Variants in MMP28 observed in about 807,000 individuals in gnomAD.
MMP28 encodes matrix metalloproteinase-28.
Under a neutral mutation model 60.5 loss-of-function variants are expected in MMP28, and 55 were observed. That is an observed-to-expected ratio of 0.91 (90% confidence interval 0.73 to 1.14). MMP28 has a LOEUF of 1.14. MMP28 is among the 50% of genes most tolerant of loss of function. MMP28 has a pLI of 0.00. For synonymous variants in MMP28, 318 were observed against 312.5 expected (o/e 1.02, Z -0.18); for missense variants, 686 against 738.3 (o/e 0.93, Z 0.82).
In MMP28 at chr17:35,770,155, C is replaced by T. The variant is rs1555604921; in HGVS notation, c.762G>A (p.Pro254=). Residue 254 remains proline (P), a synonymous_variant, in exon 5 of 8, where the codon CCG becomes CCA. Coordinates refer to ENST00000605424, the MANE Select transcript of MMP28 (RefSeq NM_024302.5). The part of the protein sequence containing the change: ...HTLGLTHSPA[P]RALMAPYYKR... ...TGTAGTAGGGCGCCATGAGCGCGCG[C>T]GGCGCGGGCGAGTGGGTGAGGCCAA... 6.2e-7 allele frequency: 1 copy of T among 1,606,898 alleles called. No homozygotes were observed. Among genetic ancestry groups the T allele is most frequent in the Admixed American group, 1.7e-5 (1 of 59,514 alleles).
rs902196003 is a variant in MMP28, at chr17:35,766,317, G to C, written c.*183C>G. The C allele has an allele frequency of 1.0e-4, 143 of 1,393,246 alleles. No individual in the cohort carries two copies. The highest frequency in any genetic ancestry group is 1.3e-4 in the Non-Finnish European group (137 of 1,075,466). The allele number at this position is 1,393,246 out of a possible 1,614,324, so 86.3% of individuals were successfully genotyped here. On this transcript the variant is annotated 3_prime_UTR_variant, in exon 8 of 8. Transcript: ENST00000605424. This position sits in a 1 kb window ranked among gnomAD's most constrained non-coding sequence, Gnocchi z 4.3. ...TCCCACCCCCACCTCCATGTGGTGG[G>C]GACAGACAAAGACAATGCTGCATTC...
In MMP28 at chr17:35,770,024, G is replaced by A. The variant is rs781730446; in HGVS notation, c.850+43C>T. 6.7e-5 allele frequency: 100 copies of A among 1,502,496 alleles called. No individual in the cohort carries two copies. The African/African-American group carries it at 1.2e-3, about 18-fold the overall frequency. The allele number at this position is 1,502,496 out of a possible 1,614,324, so 93.1% of individuals were successfully genotyped here. A position where few individuals can be genotyped will look rare whatever the true frequency, so the allele number is the denominator to read the frequency against. ...GCGTTCAAGGACAGGAGGCCTTGGG[G>A]GCAGGAGTGGGACCAAGAGCGGGGC... On this transcript the variant is annotated intron_variant, in intron 5 of 7. Transcript: ENST00000605424.
At chr17:35,756,337 C>G (rs1465267395) in exon 3 of MMP28, 1 of 949,956 alleles carries the variant, frequency 1.1e-6, no homozygotes, top group Admixed American at 6.2e-5. Flanking sequence ...TCTCCAGGCA[C>G]TCGGTTCCTT....
downstream of MMP28, chr17:35,760,870 T>A: frequency 6.3e-7 from 1 of 1,590,088 alleles, no homozygotes; most frequent in East Asian, 2.2e-5. Context: ...TGAGACAAAG[T>A]TCTATGGGTT....
chr17:35,774,094 G>A (rs1006825541), intron 3 of MMP28, among the ~76,000 whole-genome samples: 16 of 152,316 alleles, frequency 1.1e-4, no homozygotes, highest in Middle Eastern at 3.4e-3. Context: ...CACTGACTGA[G>A]AGAAAGTTTT....
At chr17:35,761,958 T>A (rs1391785108), downstream of MMP28, among the ~76,000 whole-genome samples, 5 of 152,194 alleles carry the variant, frequency 3.3e-5, no homozygotes, top group African/African-American at 9.6e-5. Context: ...TAGGATGGAC[T>A]GGGATCAAAA....
chr17:35,779,105 G>A, intron 2 of MMP28, 30 bp from the exon 3 acceptor site: 1 of 1,607,146 alleles, frequency 6.2e-7, no homozygotes, highest in Non-Finnish European at 8.5e-7. Context: ...GCAAGGGGAG[G>A]GTGAGTGGTA....
rs573037463 is a variant in MMP28, at chr17:35,770,132, T to C, written c.785A>G (p.Tyr262Cys). ...PAPRALMAPY[Y>C]KRLGRDALLS... ...CAGCGCGTCGCGGCCCAGCCTCTTG[T>C]AGTAGGGCGCCATGAGCGCGCGCGG... Residue 262 changes from tyrosine (Y) to cysteine (C), a missense_variant, in exon 5 of 8, where the codon TAC becomes TGC. By Grantham distance (194) the Tyr-to-Cys change is radical (BLOSUM62 -2). Transcript: ENST00000605424. The C allele has an allele frequency of 6.2e-7, 1 of 1,607,232 alleles. No individual in the cohort carries two copies. The highest frequency in any genetic ancestry group is 1.1e-5 in the South Asian group (1 of 90,222).
chr17:35,778,397 G>A (rs1416521305), intron 3 of MMP28: 31 of 168,610 alleles, frequency 1.8e-4, no homozygotes, highest in Non-Finnish European at 4.0e-4. Context: ...GCACAATTCC[G>A]CAAATATCCT....
At position 35,789,951 on chromosome 17, in the gene MMP28, G is replaced by A. The variant is rs181384481; in HGVS notation, c.111+5316C>T. On this transcript the variant is annotated intron_variant, in intron 1 of 7. Coordinates refer to ENST00000605424, the MANE Select transcript of MMP28 (RefSeq NM_024302.5). ...TAATTTTTGTATTTTTAGTAGAGAC[G>A]GGGTTTCACAATGTTGGCCAGGCTA... 1.8e-3 allele frequency among the ~76,000 whole-genome samples: 269 copies of A among 151,498 alleles called. 2 individuals are homozygous for A. The highest frequency in any genetic ancestry group is 4.7e-3 in the East Asian group (24 of 5,156).
chr17:35,769,093 C>G (rs2143211398), intron 5 of MMP28, among the ~76,000 whole-genome samples: 1 of 152,288 alleles, frequency 6.6e-6, no homozygotes, highest in Admixed American at 6.5e-5. Context: ...GAAGCAGAGT[C>G]CAACAAGCTT....
In MMP28 at chr17:35,788,787, C is replaced by A. The variant is rs989171947; in HGVS notation, c.111+6480G>T. On this transcript the variant is annotated intron_variant, in intron 1 of 7. Coordinates refer to ENST00000605424, the MANE Select transcript of MMP28 (RefSeq NM_024302.5). ...CCAGTGGAAGGCAGGTCCTGAAACT[C>A]CTGCCTGGCTGTTCTAAAGAAGGTC... 7.9e-5 allele frequency among the ~76,000 whole-genome samples: 12 copies of A among 152,078 alleles called. No homozygotes were observed. In the South Asian group the frequency reaches 1.2e-3, roughly 16 times the overall value.
chr17:35,769,177 T>A (rs946313245), intron 5 of MMP28, among the ~76,000 whole-genome samples: 12 of 152,178 alleles, frequency 7.9e-5, no homozygotes, highest in African/African-American at 2.9e-4. Context: ...TTACCTAACC[T>A]CTCTGAGCCC....
chr17:35,759,559 G>C (rs2085779877), intron 2 of MMP28, among the ~76,000 whole-genome samples: 1 of 152,108 alleles, frequency 6.6e-6, no homozygotes, highest in South Asian at 2.1e-4. Flanking sequence ...AAATTAGCCA[G>C]GTGTGGTGAC....
Position 35,773,330 on chromosome 17 carries a change from G to A in MMP28, c.454C>T (p.Arg152Trp), listed in dbSNP as rs755638138. Residue 152 changes from arginine to tryptophan, a missense_variant, in exon 4 of 8, where the codon CGG becomes TGG. Arg to Trp is a moderately radical substitution (Grantham distance 101). Transcript: ENST00000605424. ...WPEHLPEPAV[R>W]GAVRAAFQLW... ...TGGAAGGCGGCGCGCACGGCGCCCC[G>A]AACTGCCGGCTCCGGCAGATGCTCA... 23 of 1,612,702 alleles carry A rather than the reference G, an allele frequency of 1.4e-5. No individual in the cohort carries two copies. Among genetic ancestry groups the A allele is most frequent in the Middle Eastern group, 1.6e-4 (1 of 6,080 alleles).
Position 35,770,125 on chromosome 17 carries a change from C to T in MMP28, c.792G>A (p.Arg264=), listed in dbSNP as rs2086076796. The change falls in exon 5 of 8, where the codon AGG becomes AGA. Residue 264 remains arginine (R), a synonymous_variant. Coordinates refer to ENST00000605424, the MANE Select transcript of MMP28 (RefSeq NM_024302.5). Reference sequence around the variant, plus strand: ...AGCTGAGCAGCGCGTCGCGGCCCAGCCTCTTGTAGTAGGGCGCCATGAGCG... The same window carrying T: ...AGCTGAGCAGCGCGTCGCGGCCCAGTCTCTTGTAGTAGGGCGCCATGAGCG... ...PRALMAPYYK[R]LGRDALLSWD... is the part of the protein sequence containing the mutation. 1.2e-6 allele frequency: 2 copies of T among 1,606,886 alleles called. No homozygotes were observed. The highest frequency in any genetic ancestry group is 2.7e-5 in the African/African-American group (2 of 74,752).
At chr17:35,791,925 C>T (rs1331923197) in intron 1 of MMP28, among the ~76,000 whole-genome samples, 2 of 152,242 alleles carry the variant, frequency 1.3e-5, no homozygotes, top group Non-Finnish European at 1.5e-5. Context: ...TCCTCTGTGA[C>T]GCACCCCTCC....
intron 1 of MMP28, among the ~76,000 whole-genome samples, chr17:35,783,048 G>A (rs2143499203): frequency 6.6e-6 from 1 of 151,986 alleles, no homozygotes; most frequent in East Asian, 1.9e-4. Context: ...GGATGGTCTT[G>A]ATCTCCTGAC....
chr17:35,772,964 G>T (rs2086205797), intron 4 of MMP28, among the ~76,000 whole-genome samples: 1 of 152,224 alleles, frequency 6.6e-6, no homozygotes, highest in South Asian at 2.1e-4. Flanking sequence ...CACTTCCCTT[G>T]CAGAGCTTCA....
Sources: gnomAD v4.1 joint callset for allele counts (sites outside exome capture counted in the v4.1 genomes callset) on GRCh38, gnomAD v4.1.1 for gene constraint, Gnocchi (gnomAD v3.1) non-coding constraint, MANE v1.5 for transcripts, NCBI Gene and HGNC (gene_info 2026-07-23, HGNC 2026-07-21) for gene names.